Variants in MSI2 observed in about 807,000 individuals in gnomAD.
The protein encoded by MSI2 is RNA-binding protein Musashi homolog 2.
A neutral mutation model predicts 45.6 loss-of-function variants in MSI2; 17 were observed. The ratio of observed to expected loss-of-function variants is 0.37; its 90% confidence interval spans 0.26 to 0.56. The LOEUF (loss-of-function observed/expected upper bound fraction) is 0.56. Ranked by LOEUF, MSI2 falls within the 20% of genes least tolerant of loss-of-function variation. The pLI is 0.77. For missense variants in MSI2, 293 were observed against 444.2 expected (o/e 0.66, Z 3.06); for synonymous variants, 156 against 158.2 (o/e 0.99, Z 0.11).
intron 5 of MSI2, among the ~76,000 whole-genome samples, chr17:57,286,927 G>A (rs573715944): frequency 2.6e-5 from 4 of 152,256 alleles, no homozygotes; most frequent in Admixed American, 1.3e-4. Context: ...TGCCAAGTGC[G>A]GGTCCTGCAG....
At chr17:57,274,840 A>G (rs1369054808) in intron 5 of MSI2, among the ~76,000 whole-genome samples, 1 of 152,164 alleles carries the variant, frequency 6.6e-6, no homozygotes, top group Non-Finnish European at 1.5e-5. Flanking sequence ...TAACTCTGTG[A>G]CTTTAGGAAG....
At chr17:57,342,396 T>C (rs1006198933) in intron 5 of MSI2, among the ~76,000 whole-genome samples, 1 of 152,178 alleles carries the variant, frequency 6.6e-6, no homozygotes, top group South Asian at 2.1e-4. Context: ...GGTCTGTGCC[T>C]GGATGAAGAA....
At chr17:57,676,481 T>C (rs1005535290) in intron 12 of MSI2, among the ~76,000 whole-genome samples, 1 of 152,224 alleles carries the variant, frequency 6.6e-6, no homozygotes, top group African/African-American at 2.4e-5. Context: ...TCACCACTTA[T>C]AACACAACTT....
At chr17:57,445,636 G>C (rs558299501) in intron 6 of MSI2, among the ~76,000 whole-genome samples, 1 of 152,088 alleles carries the variant, frequency 6.6e-6, no homozygotes, top group African/African-American at 2.4e-5. Flanking sequence ...CTGTAATTAG[G>C]GGAGTTGGTT....
Position 57,673,516 on chromosome 17 carries a change from C to T in MSI2, c.791-1456C>T, listed in dbSNP as rs569021843. On this transcript the variant is annotated intron_variant, in intron 11 of 13. Coordinates refer to ENST00000284073, the MANE Select transcript of MSI2 (RefSeq NM_138962.4). ...TCTTTAAGACGGGTTAGCCGTAGCC[C>T]AAAGGTAGCCAGCCCAGACTCACCT... 3.0e-4 allele frequency among the ~76,000 whole-genome samples: 45 copies of T among 152,160 alleles called. 1 individual carries two copies. The highest frequency in any genetic ancestry group is 1.0e-3 in the African/African-American group (42 of 41,498).
chr17:57,532,837 C>T (rs551633308), intron 7 of MSI2, among the ~76,000 whole-genome samples: 1 of 152,366 alleles, frequency 6.6e-6, no homozygotes, highest in South Asian at 2.1e-4. Context: ...GTTGTCACAG[C>T]ACATGCTCAG....
In MSI2 at chr17:57,436,645, G is replaced by A. The variant is rs372437393; in HGVS notation, c.405+35174G>A. Among the ~76,000 whole-genome samples the A allele has an allele frequency of 5.0e-4, 76 of 152,346 alleles. 1 individual carries two copies. The highest frequency in any genetic ancestry group is 1.7e-3 in the African/African-American group (71 of 41,592). On this transcript the variant is annotated intron_variant, in intron 6 of 13. Coordinates refer to ENST00000284073, the MANE Select transcript of MSI2 (RefSeq NM_138962.4). Reference sequence around the variant, plus strand: ...TGGGCAGCCCATGCTCGCCGAGGAGGCAGGGGGGTGAGAGCAGGCAGAATT... The same window carrying A: ...TGGGCAGCCCATGCTCGCCGAGGAGACAGGGGGGTGAGAGCAGGCAGAATT...
At chr17:57,305,790 C>T (rs1911830970) in intron 5 of MSI2, among the ~76,000 whole-genome samples, 1 of 152,148 alleles carries the variant, frequency 6.6e-6, no homozygotes, top group Admixed American at 6.5e-5. Context: ...TTGGCTTTCC[C>T]TTTATCCTTT....
intron 5 of MSI2, among the ~76,000 whole-genome samples, chr17:57,325,861 G>A (rs1378835865): frequency 1.3e-5 from 2 of 152,122 alleles, no homozygotes; most frequent in African/African-American, 2.4e-5. Flanking sequence ...GATCTGCCCC[G>A]GCCTCATTTT....
intron 5 of MSI2, among the ~76,000 whole-genome samples, chr17:57,367,035 T>C (rs1158104552): frequency 6.6e-6 from 1 of 152,208 alleles, no homozygotes; most frequent in Non-Finnish European, 1.5e-5. Context: ...TTGCCTTGGC[T>C]CCTCTGAACT....
chr17:57,441,944 A>G (rs970922092), intron 6 of MSI2, among the ~76,000 whole-genome samples: 1 of 151,952 alleles, frequency 6.6e-6, no homozygotes, highest in Non-Finnish European at 1.5e-5. Flanking sequence ...GATCTCAGGG[A>G]GGCATTCTTC....
At chr17:57,453,232 C>G (rs1291891147) in intron 6 of MSI2, among the ~76,000 whole-genome samples, 1 of 152,000 alleles carries the variant, frequency 6.6e-6, no homozygotes, top group Non-Finnish European at 1.5e-5. Context: ...AACTCCTGAC[C>G]TCAAGCAATC....
intron 6 of MSI2, among the ~76,000 whole-genome samples, chr17:57,467,040 G>A (rs966380652): frequency 6.6e-6 from 1 of 152,210 alleles, no homozygotes; most frequent in African/African-American, 2.4e-5. Context: ...TGGAGTCACT[G>A]TGTATCTTTT....
intron 5 of MSI2, among the ~76,000 whole-genome samples, chr17:57,306,659 G>A (rs1390303787): frequency 2.0e-5 from 3 of 152,232 alleles, no homozygotes; most frequent in African/African-American, 7.2e-5. Context: ...ACAGTTAGAT[G>A]TGTATACATG....
intron 6 of MSI2, among the ~76,000 whole-genome samples, chr17:57,515,791 G>A (rs1428287794): frequency 2.0e-5 from 3 of 152,100 alleles, no homozygotes; most frequent in Non-Finnish European, 4.4e-5. Flanking sequence ...CCTTATTTAT[G>A]CCTACTTTAT....
chr17:57,670,453 C>T (rs1452796132), intron 11 of MSI2, among the ~76,000 whole-genome samples: 1 of 152,222 alleles, frequency 6.6e-6, no homozygotes, highest in Non-Finnish European at 1.5e-5. Flanking sequence ...GAGTCTAAGC[C>T]TGCAGCATCT....
chr17:57,536,131 G>A (rs1415410712), intron 7 of MSI2, among the ~76,000 whole-genome samples: 1 of 152,088 alleles, frequency 6.6e-6, no homozygotes, highest in African/African-American at 2.4e-5. Context: ...TTTCACAAAG[G>A]TGTAGGTTAC....
At chr17:57,698,694 CT>C in the MSI2 span, among the ~76,000 whole-genome samples, 4 of 152,136 alleles carry the variant, frequency 2.6e-5, no homozygotes, top group African/African-American at 9.7e-5. Flanking sequence ...CTCTTTCCAT[CT>C]CCTATCAATG....
At chr17:57,619,088 C>A (rs1188637494) in intron 9 of MSI2, among the ~76,000 whole-genome samples, 1 of 152,140 alleles carries the variant, frequency 6.6e-6, no homozygotes, top group Admixed American at 6.5e-5. Context: ...AGGTGTGAAG[C>A]GGAGCCAGCT....
Sources: allele counts gnomAD v4.1 joint callset (sites outside exome capture counted in the v4.1 genomes callset), GRCh38; gene constraint gnomAD v4.1.1; transcripts MANE v1.5; gene names NCBI Gene and HGNC (gene_info 2026-07-23, HGNC 2026-07-21).